CAST: variants seen among roughly 807,000 people sequenced by gnomAD.
CAST encodes calpastatin, also known as MIR583 host.
A neutral mutation model predicts 119.6 loss-of-function variants in CAST; 76 were observed. That is an observed-to-expected ratio of 0.64 (90% confidence interval 0.53 to 0.77). The LOEUF is 0.77. Ranked by LOEUF, CAST falls within the 30% of genes least tolerant of loss-of-function variation. The probability of loss-of-function intolerance (pLI) is 0.00; values close to 1 mark genes in which losing one functional copy is unlikely to be tolerated. For missense variants in CAST, 953 were observed against 946.5 expected, an observed-to-expected ratio of 1.01 and a Z score of -0.09; for synonymous variants, 319 against 331.6, an observed-to-expected ratio of 0.96 and a Z score of 0.41.
chr5:96,303,856 G>C, the CAST span, among the ~76,000 whole-genome samples: 14 of 152,170 alleles, frequency 9.2e-5, 1 homozygote, highest in East Asian at 1.5e-3. Context: ...TCATTAATGG[G>C]CATTTGGGTT....
the CAST span, among the ~76,000 whole-genome samples, chr5:96,386,485 T>C: frequency 7.9e-5 from 12 of 152,336 alleles, no homozygotes; most frequent in Non-Finnish European, 1.3e-4. Context: ...TAGCCAGAGA[T>C]ATTTAACAGT....
At chr5:96,631,854 A>G (rs1158401802) in intron 1 of CAST, among the ~76,000 whole-genome samples, 4 of 151,960 alleles carry the variant, frequency 2.6e-5, no homozygotes, top group South Asian at 4.2e-4. Context: ...TCTCTCAGGT[A>G]TATATTTAGG....
the CAST span, among the ~76,000 whole-genome samples, chr5:96,014,383 T>C: frequency 6.6e-6 from 1 of 152,136 alleles, no homozygotes; most frequent in Non-Finnish European, 1.5e-5. Context: ...TAACTTTTTT[T>C]TATTATAAGT....
chr5:96,753,618 C>T (rs546189589), intron 20 of CAST, among the ~76,000 whole-genome samples: 9 of 152,304 alleles, frequency 5.9e-5, no homozygotes, highest in African/African-American at 2.2e-4. Context: ...GCTTCCGAGC[C>T]TCCTCTTCTG....
At chr5:96,727,991 G>C (rs1287146547) in intron 6 of CAST, among the ~76,000 whole-genome samples, 2 of 152,150 alleles carry the variant, frequency 1.3e-5, no homozygotes, top group African/African-American at 2.4e-5. Context: ...TCTTACCTCA[G>C]TTGGTGGAGC....
intron 4 of CAST, among the ~76,000 whole-genome samples, chr5:96,724,758 G>A (rs1758950194): frequency 6.6e-6 from 1 of 152,058 alleles, no homozygotes; most frequent in Non-Finnish European, 1.5e-5. Flanking sequence ...AGGAGATCAA[G>A]GCTGCAGCAA....
At chr5:96,087,934 A>G in the CAST span, among the ~76,000 whole-genome samples, 1 of 152,252 alleles carries the variant, frequency 6.6e-6, no homozygotes, top group African/African-American at 2.4e-5. Flanking sequence ...ACATGTATCA[A>G]GCCAGGAAAC....
intron 30 of CAST, 76 bp from the exon 31 acceptor site, chr5:96,771,568 C>G: frequency 1.8e-6 from 2 of 1,101,024 alleles, no homozygotes; most frequent in Non-Finnish European, 2.7e-6. Flanking sequence ...CTTTTGTCCC[C>G]TAATTCTGAG....
At chr5:96,523,224 G>T (rs1406857014), upstream of CAST, among the ~76,000 whole-genome samples, 1 of 152,190 alleles carries the variant, frequency 6.6e-6, no homozygotes, top group Non-Finnish European at 1.5e-5. Context: ...GCCCACACAT[G>T]GCACTGCTGC....
chr5:96,595,168 T>A (rs185687223), intron 1 of CAST, among the ~76,000 whole-genome samples: 19 of 152,294 alleles, frequency 1.2e-4, no homozygotes, highest in African/African-American at 4.3e-4. Context: ...GAGCTGGCAA[T>A]GGACATGCAC....
the CAST span, among the ~76,000 whole-genome samples, chr5:96,114,455 C>T: frequency 6.6e-6 from 1 of 152,134 alleles, no homozygotes; most frequent in East Asian, 1.9e-4. Context: ...CACTGAGGCT[C>T]TCAAACTTTG....
chr5:96,410,818 G>A, the CAST span: 1 of 1,614,148 alleles, frequency 6.2e-7, no homozygotes, highest in Non-Finnish European at 8.5e-7. Context: ...GAGGTGGCCA[G>A]TGTGGAGGAG....
chr5:96,601,845 C>T (rs1747159915), intron 1 of CAST, among the ~76,000 whole-genome samples: 1 of 152,164 alleles, frequency 6.6e-6, no homozygotes, highest in South Asian at 2.1e-4. Context: ...GAAAGTTATC[C>T]GGCATTTGAT....
At chr5:96,002,654 T>C in the CAST span, among the ~76,000 whole-genome samples, 4 of 152,120 alleles carry the variant, frequency 2.6e-5, no homozygotes, top group Non-Finnish European at 5.9e-5. Flanking sequence ...TAAGGTTCTC[T>C]GACTGAGAAA....
the CAST span, among the ~76,000 whole-genome samples, chr5:96,135,713 T>A: frequency 6.6e-6 from 1 of 152,088 alleles, no homozygotes; most frequent in African/African-American, 2.4e-5. Context: ...ACCTCCAACC[T>A]CCATTCATCC....
intron 27 of CAST, 35 bp from the exon 28 acceptor site, chr5:96,767,403 T>C (rs1487472297): frequency 1.3e-6 from 2 of 1,572,298 alleles, no homozygotes; most frequent in South Asian, 1.1e-5. Context: ...TTTACAGATA[T>C]CTATGCTTAA....
At chr5:96,646,133 C>T (rs1439649190) in intron 1 of CAST, among the ~76,000 whole-genome samples, 1 of 152,118 alleles carries the variant, frequency 6.6e-6, no homozygotes, top group East Asian at 1.9e-4. Flanking sequence ...AAACACACCA[C>T]CGTCAATATT....
intron 1 of CAST, among the ~76,000 whole-genome samples, chr5:96,544,474 A>AT (rs2150180635): frequency 1.3e-5 from 2 of 152,146 alleles, no homozygotes; most frequent in East Asian, 1.9e-4. Context: ...ACTCTTTGGG[A>AT]TTTTTTATAT....
At chr5:96,259,225 T>C in the CAST span, among the ~76,000 whole-genome samples, 2 of 152,228 alleles carry the variant, frequency 1.3e-5, no homozygotes, top group Non-Finnish European at 2.9e-5. Context: ...GCTCTTTTAC[T>C]AAGAACCAGT....
Sources: gnomAD v4.1 joint callset for allele counts (sites outside exome capture counted in the v4.1 genomes callset) on GRCh38, gnomAD v4.1.1 for gene constraint, MANE v1.5 for transcripts, NCBI Gene and HGNC (gene_info 2026-07-23, HGNC 2026-07-21) for gene names.